Variants in IGSF10 observed in about 807,000 individuals in gnomAD.
IGSF10 encodes the protein immunoglobulin superfamily member 10, also known as calvaria mechanical force protein 608.
In IGSF10, 126 loss-of-function variants were observed where a neutral mutation model predicts 128.2. The ratio of observed to expected loss-of-function variants is 0.98; its 90% confidence interval spans 0.85 to 1.14. IGSF10 has a LOEUF of 1.14. Among genes scored for constraint, IGSF10 ranks in the 50% most tolerant of loss-of-function variants. The pLI is 0.00. For synonymous variants in IGSF10, 1,185 were observed against 1,146.2 expected (o/e 1.03, Z -0.68); for missense variants, 3,295 against 3,149.8 (o/e 1.05, Z -1.10).
the IGSF10 span, among the ~76,000 whole-genome samples, chr3:151,563,773 A>G: frequency 0.015 from 2,260 of 152,318 alleles, 59 homozygotes; most frequent in African/African-American, 0.052. Flanking sequence ...GTTGAACAAA[A>G]GCCATAATTT....
downstream of IGSF10, among the ~76,000 whole-genome samples, chr3:151,432,474 C>G (rs945663859): frequency 2.0e-5 from 3 of 152,116 alleles, no homozygotes; most frequent in Non-Finnish European, 4.4e-5. Context: ...AAAGTTAATA[C>G]CAAGTAGTTT....
chr3:151,437,832 G>A lies in IGSF10; in HGVS notation c.6729C>T (p.Asn2243=), dbSNP rs6781302. 1,164,805 of 1,613,282 alleles carry A rather than the reference G, an allele frequency of 0.72. 426,945 individuals carry two copies. The highest frequency in any genetic ancestry group is 0.86 in the Middle Eastern group (5,210 of 6,062). The change falls in exon 8 of 8, where the codon AAC becomes AAT. Residue 2243 remains asparagine, a synonymous_variant. Transcript: ENST00000282466. ...CAGCTGTGGCTTTAATAACAGTTCT[G>A]TTTGTATACAGACCATTGATTAATG... The part of the protein sequence containing the change: ...KPPLINGLYT[N]RTVIKATAVR...
At chr3:151,442,380 ATT>A (rs3975405) in intron 7 of IGSF10, among the ~76,000 whole-genome samples, 29 of 124,516 alleles carry the variant, frequency 2.3e-4, no homozygotes, top group African/African-American at 3.8e-4. Flanking sequence ...TACAATTACT[ATT>A]TTTTTTTTTT....
At chr3:151,585,707 C>T in the IGSF10 span, among the ~76,000 whole-genome samples, 22 of 151,992 alleles carry the variant, frequency 1.4e-4, no homozygotes, top group Non-Finnish European at 2.4e-4. Context: ...GAAATAGCTT[C>T]ACTTATTTTT....
Position 151,443,752 on chromosome 3 carries a change from T to C in IGSF10, c.5195A>G (p.Asp1732Gly), listed in dbSNP as rs1236244426. 1 of 1,614,116 alleles carries C rather than the reference T, an allele frequency of 6.2e-7. No homozygotes were observed. Among genetic ancestry groups the C allele is most frequent in the Admixed American group, 1.7e-5 (1 of 60,020 alleles). ...LCSASNLFGTDHLHVTLSVVS... is the reference protein window; with the variant it reads ...LCSASNLFGTGHLHVTLSVVS... ...CACAGACAAGGTGACATGAAGGTGG[T>C]CTGTGCCAAACAGATTGGATGCGGA... The change falls in exon 7 of 8, where the codon GAC becomes GGC. Residue 1732 changes from aspartate to glycine, a missense_variant. Coordinates refer to ENST00000282466, the MANE Select transcript of IGSF10 (RefSeq NM_178822.5).
In IGSF10 at chr3:151,448,034, G is replaced by T. The variant is rs368405652; in HGVS notation, c.1947C>A (p.Asn649Lys). ...AAATCAAAAAATCAACCCCTGATGG[G>T]TTGGCTGCCACACAGCGATAATAAC... ...DQGYYRCVAA[N>K]PSGVDFLIFQ... The change falls in exon 6 of 8, where the codon AAC becomes AAA. Residue 649 changes from asparagine to lysine, a missense_variant. Asn to Lys is a moderately conservative substitution (Grantham distance 94). Transcript: ENST00000282466. 6.2e-7 allele frequency: 1 copy of T among 1,614,160 alleles called. No individual in the cohort carries two copies. Among genetic ancestry groups the T allele is most frequent in the Non-Finnish European group, 8.5e-7 (1 of 1,180,034 alleles).
rs1577678199 is a variant in IGSF10 at position 151,458,205 on chromosome 3, A to G, written c.194+311T>C. Among the ~76,000 whole-genome samples the G allele has an allele frequency of 2.0e-5, 3 of 152,106 alleles. No homozygotes were observed. In the South Asian group the frequency reaches 6.2e-4, roughly 32 times the overall value. ...TCATCTCTTATGATGAATGATCATA[A>G]CCCCAATAGTTAACAGAAACTATAT... On this transcript the variant is annotated intron_variant, in intron 3 of 7. Transcript: ENST00000282466.
chr3:151,536,242 G>A, the IGSF10 span, among the ~76,000 whole-genome samples: 2 of 152,210 alleles, frequency 1.3e-5, no homozygotes, highest in African/African-American at 2.4e-5. Flanking sequence ...GAGGTCCCCT[G>A]GGACAAGGTT....
At chr3:151,583,525 A>G in the IGSF10 span, among the ~76,000 whole-genome samples, 1 of 152,222 alleles carries the variant, frequency 6.6e-6, no homozygotes, top group Non-Finnish European at 1.5e-5. Context: ...GAATTGAGCA[A>G]TGAGAACACT....
intron 7 of IGSF10, among the ~76,000 whole-genome samples, chr3:151,441,330 A>G (rs1372485788): frequency 1.3e-5 from 2 of 152,258 alleles, no homozygotes; most frequent in East Asian, 1.9e-4. Context: ...AGATTAATGC[A>G]GAGGCATCTT....
the IGSF10 span, among the ~76,000 whole-genome samples, chr3:151,504,145 G>C: frequency 2.0e-5 from 3 of 152,072 alleles, no homozygotes; most frequent in Non-Finnish European, 4.4e-5. Context: ...TTTGTTTCTG[G>C]AAAAGGCGAT....
At chr3:151,480,043 A>G in the IGSF10 span, among the ~76,000 whole-genome samples, 1 of 152,174 alleles carries the variant, frequency 6.6e-6, no homozygotes, top group Non-Finnish European at 1.5e-5. Context: ...CCACATATGA[A>G]GGTAAGCCTG....
At chr3:151,560,772 A>G in the IGSF10 span, among the ~76,000 whole-genome samples, 1 of 152,020 alleles carries the variant, frequency 6.6e-6, no homozygotes, top group East Asian at 1.9e-4. Flanking sequence ...TCAAATCCAC[A>G]CCAGTTCTTG....
chr3:151,438,661 A>C, intron 7 of IGSF10, 64 bp from the exon 8 acceptor site: 2 of 1,310,958 alleles, frequency 1.5e-6, no homozygotes, highest in Non-Finnish European at 2.1e-6. Flanking sequence ...TGTTTTACTC[A>C]GGATTGCCTC....
rs36002001 is a variant in IGSF10 at position 151,446,292 on chromosome 3, C to CT, written c.3688dup (p.Ser1230LysfsTer8). The CT allele has an allele frequency of 1.9e-6, 3 of 1,613,872 alleles. No individual in the cohort carries two copies. Among genetic ancestry groups the CT allele is most frequent in the Non-Finnish European group, 2.5e-6 (3 of 1,179,884 alleles). On this transcript the variant is annotated frameshift_variant, in exon 6 of 8. Coordinates refer to ENST00000282466, the MANE Select transcript of IGSF10 (RefSeq NM_178822.5). LOFTEE classifies it high-confidence loss of function. ...TGTTTTAGGAAGCATCACAGCTGTG[C>CT]TTTTTTGTAAACTAACTTTATGTTG... is the stretch of plus-strand genomic sequence containing the variant.
At chr3:151,557,838 CTAAGTT>C in the IGSF10 span, among the ~76,000 whole-genome samples, 1 of 149,760 alleles carries the variant, frequency 6.7e-6, no homozygotes, top group Non-Finnish European at 1.5e-5. Flanking sequence ...AACATTTCCC[CTAAGTT>C]TAATGTTAAC....
the IGSF10 span, among the ~76,000 whole-genome samples, chr3:151,551,717 G>A: frequency 6.6e-6 from 1 of 150,972 alleles, no homozygotes; most frequent in Non-Finnish European, 1.5e-5. Context: ...AGGCATATTT[G>A]TTGAGGTTTC....
the IGSF10 span, among the ~76,000 whole-genome samples, chr3:151,605,043 T>A: frequency 6.6e-6 from 1 of 152,198 alleles, no homozygotes; most frequent in African/African-American, 2.4e-5. Context: ...ATAAAACACA[T>A]CATATCTTTC....
At chr3:151,565,512 G>A in the IGSF10 span, among the ~76,000 whole-genome samples, 1 of 152,152 alleles carries the variant, frequency 6.6e-6, no homozygotes, top group South Asian at 2.1e-4. Flanking sequence ...GATCAAGAAA[G>A]CCAGGCCTGC....
Sources: gnomAD v4.1 joint callset for allele counts (sites outside exome capture counted in the v4.1 genomes callset) on GRCh38, gnomAD v4.1.1 for gene constraint, MANE v1.5 for transcripts, NCBI Gene and HGNC (gene_info 2026-07-23, HGNC 2026-07-21) for gene names.